The following PSD3 variants were observed in gnomAD, a reference collection of about 807,000 sequenced individuals.
PSD3 encodes PH and SEC7 domain-containing protein 3.
Under a neutral mutation model 105.5 loss-of-function variants are expected in PSD3, and 49 were observed. The observed-to-expected ratio is 0.46, with a 90% CI of 0.37 to 0.59. The LOEUF is 0.59. Ranked by LOEUF, PSD3 falls within the 20% of genes least tolerant of loss-of-function variation. PSD3 has a pLI of 0.00. For synonymous variants in PSD3, 557 were observed against 457.8 expected, an observed-to-expected ratio of 1.22 and a Z score of -2.77; for missense variants, 1,561 against 1,263.8, an observed-to-expected ratio of 1.24 and a Z score of -3.57.
intron 6 of PSD3, chr8:18,803,334 T>G (rs1181946918): frequency 3.2e-5 from 3 of 92,980 alleles, no homozygotes; most frequent in Non-Finnish European, 6.9e-5. Flanking sequence ...AGTAAGCAAA[T>G]ATAATAAGCA....
chr8:18,866,249 C>CTTTCAGGT, intron 4 of PSD3, among the ~76,000 whole-genome samples: 1 of 152,312 alleles, frequency 6.6e-6, no homozygotes, highest in Middle Eastern at 3.4e-3. Context: ...TGAGGAGCAC[C>CTTTCAGGT]GCCTCACGGG....
At position 18,671,254 on chromosome 8, in the gene PSD3, T is replaced by A. The variant is rs189937854; in HGVS notation, c.2173-15569A>T. Among the ~76,000 whole-genome samples the A allele has an allele frequency of 4.6e-5, 7 of 152,314 alleles. No homozygotes were observed. In the East Asian group the frequency reaches 1.2e-3, roughly 25 times the overall value. ...TCTAGGAGCTGGAGGTTAGGCAGATTGTTGCTTGGTGTAGGTTGAAAGTTA... is the reference window on the plus strand; with the variant it reads ...TCTAGGAGCTGGAGGTTAGGCAGATAGTTGCTTGGTGTAGGTTGAAAGTTA... On this transcript the variant is annotated intron_variant, in intron 9 of 15. Transcript: ENST00000327040.
intron 13 of PSD3, among the ~76,000 whole-genome samples, 164 bp from the exon 14 acceptor site, chr8:18,572,836 C>T (rs188409446): frequency 1.5e-4 from 23 of 152,194 alleles, no homozygotes; most frequent in Non-Finnish European, 7.4e-5. Context: ...CATTGTCATT[C>T]GACGATCACC....
intron 4 of PSD3, among the ~76,000 whole-genome samples, chr8:18,867,057 T>C (rs1305279714): frequency 6.6e-6 from 1 of 152,144 alleles, no homozygotes; most frequent in African/African-American, 2.4e-5. Context: ...GTACATAATT[T>C]GTCATTTTAT....
intron 1 of PSD3, among the ~76,000 whole-genome samples, chr8:19,060,833 A>G (rs1828873117): frequency 6.6e-6 from 1 of 152,226 alleles, no homozygotes; most frequent in Non-Finnish European, 1.5e-5. Context: ...CATGGAAGCA[A>G]CCAGTCATGC....
In PSD3 at chr8:18,784,600, A is replaced by G. The variant is rs185866743; in HGVS notation, c.2082+14695T>C. On this transcript the variant is annotated intron_variant, in intron 8 of 15. Coordinates refer to ENST00000327040, the MANE Select transcript of PSD3 (RefSeq NM_015310.4). ...CAATCAGCTATAAATGGGGGTTTGC[A>G]GGATCATCTATCTGGGTTTAATTTA... is the stretch of plus-strand genomic sequence containing the variant. Among the ~76,000 whole-genome samples, 4 of 152,294 alleles carry G rather than the reference A, an allele frequency of 2.6e-5. No homozygotes were observed. The East Asian group carries it at 7.7e-4, about 29-fold the overall frequency.
chr8:18,637,682 G>A (rs567558345), intron 10 of PSD3, among the ~76,000 whole-genome samples: 3 of 152,120 alleles, frequency 2.0e-5, no homozygotes, highest in South Asian at 2.1e-4. Flanking sequence ...TTCATCTACC[G>A]AAAGATACTG....
intron 9 of PSD3, among the ~76,000 whole-genome samples, chr8:18,656,359 C>CAT (rs1808892924): frequency 1.4e-5 from 2 of 147,388 alleles, no homozygotes; most frequent in African/African-American, 5.0e-5. Context: ...TGTCTGGCTG[C>CAT]TTTTTTTTTT....
intron 12 of PSD3, among the ~76,000 whole-genome samples, chr8:18,594,436 T>C (rs1349085618): frequency 4.0e-5 from 5 of 125,352 alleles, no homozygotes; most frequent in South Asian, 2.2e-4. Context: ...ATATATAATA[T>C]ATTATATTAT....
At chr8:18,618,211 T>G (rs1805840401) in intron 11 of PSD3, among the ~76,000 whole-genome samples, 1 of 151,808 alleles carries the variant, frequency 6.6e-6, no homozygotes, top group African/African-American at 2.4e-5. Flanking sequence ...GTCTATGACC[T>G]GGAAGCCCCT....
chr8:18,886,277 A>G (rs1818447301), intron 2 of PSD3, among the ~76,000 whole-genome samples: 4 of 152,270 alleles, frequency 2.6e-5, no homozygotes, highest in East Asian at 3.9e-4. Flanking sequence ...GAAAAACTCA[A>G]TGTCACATGC....
intron 10 of PSD3, among the ~76,000 whole-genome samples, chr8:18,642,240 A>G (rs1181275517): frequency 6.6e-6 from 1 of 152,188 alleles, no homozygotes; most frequent in East Asian, 1.9e-4. Flanking sequence ...CATGTTAGGT[A>G]TTCCCAAAAG....
intron 12 of PSD3, 29 bp from the exon 13 acceptor site, chr8:18,575,314 C>T: frequency 6.7e-7 from 1 of 1,502,876 alleles, no homozygotes; most frequent in African/African-American, 1.4e-5. Flanking sequence ...AAAATAAAGG[C>T]AAAAATCACG....
intron 1 of PSD3, among the ~76,000 whole-genome samples, chr8:19,076,974 A>C (rs1448306770): frequency 1.3e-5 from 2 of 152,020 alleles, no homozygotes; most frequent in Non-Finnish European, 2.9e-5. Flanking sequence ...CTTGACCTTG[A>C]CTTTTATTTA....
At chr8:19,081,296 G>C (rs75592620) in intron 1 of PSD3, among the ~76,000 whole-genome samples, 2,000 of 152,306 alleles carry the variant, frequency 0.013, 42 homozygotes, top group African/African-American at 0.046. Context: ...CTAAAGTCTT[G>C]AGTGTCTTTC....
intron 1 of PSD3, among the ~76,000 whole-genome samples, chr8:18,970,537 C>T (rs1485509037): frequency 6.6e-6 from 1 of 152,022 alleles, no homozygotes; most frequent in Non-Finnish European, 1.5e-5. Context: ...ATACAACTTC[C>T]CATGTCCTAA....
chr8:18,750,799 C>A (rs1805418879), intron 9 of PSD3, among the ~76,000 whole-genome samples: 1 of 152,112 alleles, frequency 6.6e-6, no homozygotes, highest in Non-Finnish European at 1.5e-5. Context: ...CCCACCAGAG[C>A]AGCTAGACAC....
intron 2 of PSD3, among the ~76,000 whole-genome samples, chr8:18,911,399 G>A (rs1288690985): frequency 6.6e-6 from 1 of 152,172 alleles, no homozygotes; most frequent in East Asian, 1.9e-4. Context: ...AAGGCTGCAG[G>A]ATATGGTGGA....
chr8:18,577,673 A>T (rs1329692481), intron 12 of PSD3, among the ~76,000 whole-genome samples: 1 of 152,090 alleles, frequency 6.6e-6, no homozygotes, highest in African/African-American at 2.4e-5. Flanking sequence ...TCTTTTACGA[A>T]AATGCTCTGT....
Sources: allele counts gnomAD v4.1 joint callset (sites outside exome capture counted in the v4.1 genomes callset), GRCh38; gene constraint gnomAD v4.1.1; transcripts MANE v1.5; gene names NCBI Gene and HGNC (gene_info 2026-07-23, HGNC 2026-07-21).